Variants in ASH1L observed in about 807,000 individuals in gnomAD.
The protein encoded by ASH1L is ASH1 like histone lysine methyltransferase.
A neutral mutation model predicts 269.0 loss-of-function variants in ASH1L; 23 were observed. The ratio of observed to expected loss-of-function variants is 0.09; its 90% confidence interval spans 0.06 to 0.12. The LOEUF is 0.12. ASH1L is among the 10% of genes least tolerant of loss of function. The probability of loss-of-function intolerance (pLI) is 1.00; values close to 1 mark genes in which losing one functional copy is unlikely to be tolerated. For missense variants in ASH1L, 2,912 were observed against 3,567.8 expected, an observed-to-expected ratio of 0.82 and a Z score of 4.68; for synonymous variants, 1,187 against 1,253.5, an observed-to-expected ratio of 0.95 and a Z score of 1.12.
intron 5 of ASH1L, among the ~76,000 whole-genome samples, chr1:155,425,048 C>A (rs1484874115): frequency 6.6e-6 from 1 of 151,956 alleles, no homozygotes; most frequent in Non-Finnish European, 1.5e-5. Flanking sequence ...CAGCTCACTG[C>A]AATCTCCGCC....
intron 8 of ASH1L, 85 bp from the exon 9 acceptor site, chr1:155,378,633 T>G: frequency 1.8e-6 from 2 of 1,082,802 alleles, no homozygotes; most frequent in Non-Finnish European, 2.8e-6. Context: ...TACAGGAAAT[T>G]TTCTATGTGC....
intron 2 of ASH1L, among the ~76,000 whole-genome samples, chr1:155,509,732 G>C (rs2148815319): frequency 6.6e-6 from 1 of 152,304 alleles, no homozygotes; most frequent in South Asian, 2.1e-4. Context: ...CCAGGAGGCA[G>C]AGGTTGCAGT....
rs1571170795 is a variant in ASH1L, at chr1:155,562,234, G to T, written c.-181C>A. The T allele has an allele frequency of 6.2e-7, 1 of 1,609,754 alleles. No homozygotes were observed. The highest frequency in any genetic ancestry group is 1.3e-5 in the African/African-American group (1 of 74,848). ...GAGGGGGTGGCCGCCAGGCTCCTCCGCTTCCCTGGGTCCACGGCGGATCCC... is the reference window on the plus strand; with the variant it reads ...GAGGGGGTGGCCGCCAGGCTCCTCCTCTTCCCTGGGTCCACGGCGGATCCC... On this transcript the variant is annotated 5_prime_UTR_variant, in exon 1 of 28. Transcript: ENST00000392403.
intron 2 of ASH1L, among the ~76,000 whole-genome samples, chr1:155,486,793 A>T (rs548681550): frequency 7.2e-5 from 11 of 152,192 alleles, no homozygotes; most frequent in Non-Finnish European, 1.3e-4. Context: ...GACACTTCCA[A>T]TTTTAAAACT....
chr1:155,547,462 G>A (rs768323415), intron 1 of ASH1L, among the ~76,000 whole-genome samples: 2 of 151,870 alleles, frequency 1.3e-5, no homozygotes, highest in South Asian at 2.1e-4. Context: ...GAATGAGATC[G>A]GCTCGGTGAG....
At chr1:155,370,024 C>T (rs1655796412) in intron 12 of ASH1L, 1 of 164,552 alleles carries the variant, frequency 6.1e-6, no homozygotes, top group African/African-American at 2.4e-5. Context: ...ACCTTGGCCT[C>T]CCAAAGTGCT....
chr1:155,379,493 A>G (rs926073499), intron 8 of ASH1L, among the ~76,000 whole-genome samples: 86 of 152,196 alleles, frequency 5.7e-4, no homozygotes, highest in Non-Finnish European at 6.2e-4. Flanking sequence ...AGCTAATACA[A>G]AAATCACTAC....
chr1:155,499,215 T>A (rs1667352941), intron 2 of ASH1L, among the ~76,000 whole-genome samples: 1 of 152,168 alleles, frequency 6.6e-6, no homozygotes, highest in South Asian at 2.1e-4. Flanking sequence ...ATAGAAATCA[T>A]CATGTGATGT....
intron 2 of ASH1L, among the ~76,000 whole-genome samples, chr1:155,518,189 G>A (rs1004050931): frequency 2.0e-5 from 3 of 152,158 alleles, no homozygotes; most frequent in African/African-American, 7.2e-5. Context: ...TGAATATCAT[G>A]TAAAGGAATG....
chr1:155,393,519 C>T (rs1168872315), intron 7 of ASH1L, among the ~76,000 whole-genome samples: 1 of 151,834 alleles, frequency 6.6e-6, no homozygotes, highest in Non-Finnish European at 1.5e-5. Flanking sequence ...ATGAAGAAAA[C>T]CTGACATTTA....
At chr1:155,417,696 C>T (rs1660330841) in intron 5 of ASH1L, among the ~76,000 whole-genome samples, 2 of 152,182 alleles carry the variant, frequency 1.3e-5, no homozygotes, top group Admixed American at 1.3e-4. Flanking sequence ...CAGTGGCTCA[C>T]GCCTGTAATC....
chr1:155,517,327 T>C (rs930930082), intron 2 of ASH1L, among the ~76,000 whole-genome samples: 5 of 151,722 alleles, frequency 3.3e-5, no homozygotes, highest in Non-Finnish European at 7.4e-5. Flanking sequence ...AGCAAGACCC[T>C]CTCTCTTTAA....
chr1:155,352,614 G>A (rs938385492), intron 17 of ASH1L, 92 bp downstream of exon 17: 6 of 1,317,958 alleles, frequency 4.6e-6, no homozygotes, highest in Middle Eastern at 5.6e-4. Flanking sequence ...AGACTAGCCT[G>A]GGCAATATAG....
intron 4 of ASH1L, among the ~76,000 whole-genome samples, chr1:155,453,860 T>A (rs904754151): frequency 6.6e-6 from 1 of 151,908 alleles, no homozygotes; most frequent in Non-Finnish European, 1.5e-5. Flanking sequence ...CCCAGCACTT[T>A]GGGAGGCTGA....
intron 4 of ASH1L, among the ~76,000 whole-genome samples, chr1:155,439,952 T>C (rs1270756008): frequency 6.6e-6 from 1 of 151,822 alleles, no homozygotes; most frequent in Admixed American, 6.6e-5. Context: ...TCTAAATTTT[T>C]AAGACTTTTT....
chr1:155,498,535 G>A (rs534844843), intron 2 of ASH1L, among the ~76,000 whole-genome samples: 32 of 151,810 alleles, frequency 2.1e-4, no homozygotes, highest in African/African-American at 5.6e-4. Flanking sequence ...TCTGCCTCCC[G>A]GGTTCAAGCG....
At chr1:155,446,855 G>A (rs769819527) in intron 4 of ASH1L, among the ~76,000 whole-genome samples, 28 of 149,442 alleles carry the variant, frequency 1.9e-4, no homozygotes, top group Non-Finnish European at 3.3e-4. Flanking sequence ...CGCCCGCTTC[G>A]GCCTCTCAAA....
At chr1:155,421,120 T>C (rs1244766210) in intron 5 of ASH1L, among the ~76,000 whole-genome samples, 1 of 150,882 alleles carries the variant, frequency 6.6e-6, no homozygotes, top group East Asian at 1.9e-4. Context: ...ACACTTGTAG[T>C]CCCAGCTACT....
intron 1 of ASH1L, among the ~76,000 whole-genome samples, chr1:155,542,886 G>A (rs2148892230): frequency 6.6e-6 from 1 of 151,646 alleles, no homozygotes; most frequent in African/African-American, 2.4e-5. Context: ...TCATCATGTT[G>A]GTCAGGCTGC....
Sources: gnomAD v4.1 joint callset for allele counts (sites outside exome capture counted in the v4.1 genomes callset) on GRCh38, gnomAD v4.1.1 for gene constraint, MANE v1.5 for transcripts, NCBI Gene and HGNC (gene_info 2026-07-23, HGNC 2026-07-21) for gene names.